Variants in PC observed in about 807,000 individuals in gnomAD.
The protein encoded by PC is pyruvate carboxylase, also known as pyruvate carboxylase, mitochondrial.
In PC, 46 loss-of-function variants were observed where a neutral mutation model predicts 107.8. The ratio of observed to expected loss-of-function variants is 0.43; its 90% confidence interval spans 0.34 to 0.55. PC has a LOEUF of 0.55. Ranked by LOEUF, PC falls within the 20% of genes least tolerant of loss-of-function variation. The pLI, the probability that PC is intolerant of heterozygous loss-of-function variation, is 0.04. For synonymous variants in PC, 662 were observed against 684.7 expected (o/e 0.97, Z 0.52); for missense variants, 1,241 against 1,643.1 (o/e 0.76, Z 4.23).
chr11:66,858,802 C>A lies in PC; in HGVS notation c.1368+4972G>T. The A allele has an allele frequency of 6.5e-7, 1 of 1,549,698 alleles. No individual in the cohort carries two copies. On this transcript the variant is annotated intron_variant, in intron 12 of 22. Transcript: ENST00000393960. The surrounding 1 kb of genome is among the most constrained non-coding windows in gnomAD (Gnocchi z 5.9). ...GACGCTGGGGGCTACACCTGCATCG[C>A]CACCAACCCTGCTGGTGAGGCCACA...
chr11:66,905,578 C>A (rs182392194), intron 3 of PC, among the ~76,000 whole-genome samples: 1 of 152,246 alleles, frequency 6.6e-6, no homozygotes, highest in African/African-American at 2.4e-5. Context: ...GTGAACTGGT[C>A]CATATTAGGG....
intron 3 of PC, among the ~76,000 whole-genome samples, chr11:66,911,638 G>C (rs959246537): frequency 6.6e-6 from 1 of 151,946 alleles, no homozygotes; most frequent in East Asian, 1.9e-4. Context: ...TAGTTAAGAA[G>C]GAAGGCGTAA....
rs570165165 is a variant in PC, at chr11:66,856,269, A to G, written c.1369-2886T>C. On this transcript the variant is annotated intron_variant, in intron 12 of 22. Coordinates refer to ENST00000393960, the MANE Select transcript of PC (RefSeq NM_001040716.2). ...CGCTGCGAGGACGCACAGCTTCCCA[A>G]TGCGTGCCCCCGGCGGTTGGGAAGC... Among the ~76,000 whole-genome samples the G allele has an allele frequency of 1.8e-3, 269 of 152,312 alleles. 2 individuals carry two copies. Among genetic ancestry groups the G allele is most frequent in the African/African-American group, 6.1e-3 (255 of 41,578 alleles).
At position 66,852,364 on chromosome 11, in the gene PC, G is replaced by A. The variant is rs1945551457; in HGVS notation, c.1825+75C>T. On this transcript the variant is annotated intron_variant, in intron 15 of 22. Transcript: ENST00000393960. This position sits in a 1 kb window ranked among gnomAD's most constrained non-coding sequence, Gnocchi z 4.7. ...TGTCAGCGTCTCTAGCTTGTCCCCA[G>A]TGGCCTAAGCCTGTGGGACTGGCCA... The A allele has an allele frequency of 1.7e-5, 20 of 1,205,038 alleles. No individual in the cohort carries two copies. The highest frequency in any genetic ancestry group is 2.5e-5 in the Non-Finnish European group (20 of 809,622). The allele number at this position is 1,205,038 out of a possible 1,614,324, so 74.6% of individuals were successfully genotyped here.
intron 3 of PC, among the ~76,000 whole-genome samples, chr11:66,931,614 C>G (rs1463887542): frequency 6.6e-6 from 1 of 151,812 alleles, no homozygotes; most frequent in Non-Finnish European, 1.5e-5. Flanking sequence ...CAATGGCACA[C>G]AGAGTACTGC....
In PC at chr11:66,851,070, C is replaced by G. The variant is rs779640009; in HGVS notation, c.2193G>C (p.Val731=). 8 of 1,613,194 alleles carry G rather than the reference C, an allele frequency of 5.0e-6. No homozygotes were observed. The highest frequency in any genetic ancestry group is 3.4e-6 in the Non-Finnish European group (4 of 1,180,008). ...TGCACAGGATGTGGGTGCCAGCTCG[C>G]ACCAGCTCTTCGGCCAAGCCCATGT... ...QYYMGLAEEL[V]RAGTHILCIK... The change falls in exon 17 of 23, where the codon GTG becomes GTC. Residue 731 remains valine, a synonymous_variant. Transcript: ENST00000393960.
At chr11:66,949,493 G>A (rs1442889026) in intron 3 of PC, among the ~76,000 whole-genome samples, 1 of 151,628 alleles carries the variant, frequency 6.6e-6, no homozygotes. Flanking sequence ...TCAGGAGTTC[G>A]AGACCAGCCT....
At chr11:66,856,179 G>A (rs1233957620) in intron 12 of PC, among the ~76,000 whole-genome samples, 1 of 152,244 alleles carries the variant, frequency 6.6e-6, no homozygotes, top group African/African-American at 2.4e-5. Flanking sequence ...GAGAGGAGCT[G>A]GTTCCGAGCC....
chr11:66,858,032 G>C lies in PC; in HGVS notation c.1369-4649C>G, dbSNP rs771101835. The C allele has an allele frequency of 9.1e-5, 146 of 1,611,712 alleles. No individual in the cohort carries two copies. Among genetic ancestry groups the C allele is most frequent in the Non-Finnish European group, 1.2e-4 (143 of 1,179,874 alleles). On this transcript the variant is annotated intron_variant, in intron 12 of 22. Transcript: ENST00000393960. This position sits in a 1 kb window ranked among gnomAD's most constrained non-coding sequence, Gnocchi z 5.9. The stretch of plus-strand genomic sequence containing the variant: ...GGGCCCGCGCCTTTGGGGACCTCGA[G>C]AGCCTGCGTTCCCTCCACCTTGACG...
chr11:66,921,713 C>A (rs573239871), intron 3 of PC, among the ~76,000 whole-genome samples: 1 of 152,232 alleles, frequency 6.6e-6, no homozygotes, highest in Non-Finnish European at 1.5e-5. Context: ...CAAGGTAACG[C>A]CTTTTACCTC....
At chr11:66,926,870 G>A (rs1000406048) in intron 3 of PC, among the ~76,000 whole-genome samples, 9 of 151,936 alleles carry the variant, frequency 5.9e-5, no homozygotes, top group East Asian at 1.9e-4. Context: ...CATCCATGTC[G>A]TAGCATGTGT....
intron 3 of PC, among the ~76,000 whole-genome samples, chr11:66,943,562 G>A (rs376121246): frequency 2.0e-5 from 3 of 151,220 alleles, no homozygotes; most frequent in South Asian, 4.2e-4. Context: ...TGGCTAACAC[G>A]ATGGAACCCT....
At chr11:66,864,006 AG>A in intron 11 of PC, 50 bp from the exon 12 acceptor site, 1 of 1,596,704 alleles carries the variant, frequency 6.3e-7, no homozygotes. Context: ...TGCGGTCAAA[AG>A]TGCCCCACCC....
intron 3 of PC, among the ~76,000 whole-genome samples, chr11:66,924,983 G>A (rs751815721): frequency 4.9e-4 from 75 of 152,106 alleles, no homozygotes; most frequent in Non-Finnish European, 9.1e-4. Context: ...GGCAGGTTCC[G>A]TGATGCCCCC....
intron 2 of PC, among the ~76,000 whole-genome samples, chr11:66,953,122 G>A (rs1591323152): frequency 3.9e-5 from 6 of 152,212 alleles, no homozygotes; most frequent in South Asian, 4.1e-4. Flanking sequence ...GGTGGGAAGC[G>A]CTTAAGTAAA....
intron 3 of PC, among the ~76,000 whole-genome samples, chr11:66,877,673 AC>A (rs1469335642): frequency 6.6e-6 from 1 of 152,258 alleles, no homozygotes; most frequent in East Asian, 1.9e-4. Flanking sequence ...ATTATTTACA[AC>A]AGAAAATCAT....
chr11:66,927,541 G>C (rs763161378), intron 3 of PC, among the ~76,000 whole-genome samples: 19 of 151,862 alleles, frequency 1.3e-4, no homozygotes, highest in Non-Finnish European at 2.8e-4. Context: ...GGCCAACACA[G>C]TGAAACCCCA....
chr11:66,893,210 T>C (rs1370984679), intron 3 of PC, among the ~76,000 whole-genome samples: 1 of 152,164 alleles, frequency 6.6e-6, no homozygotes. Flanking sequence ...ATCACGTTGG[T>C]AGCCTGACAC....
chr11:66,882,365 T>C (rs549051830), intron 3 of PC, among the ~76,000 whole-genome samples: 251 of 152,282 alleles, frequency 1.6e-3, no homozygotes, highest in Admixed American at 3.6e-3. Context: ...ACAGAGCGTC[T>C]CCTGCAGCCT....
Sources: gnomAD v4.1 joint callset for allele counts (sites outside exome capture counted in the v4.1 genomes callset) on GRCh38, gnomAD v4.1.1 for gene constraint, Gnocchi (gnomAD v3.1) non-coding constraint, MANE v1.5 for transcripts, NCBI Gene and HGNC (gene_info 2026-07-23, HGNC 2026-07-21) for gene names.